The following FRMPD3 variants were observed in gnomAD, a reference collection of about 807,000 sequenced individuals.
FRMPD3 encodes the protein FERM and PDZ domain containing 3, also known as FERM and PDZ domain-containing protein 3.
In FRMPD3, 42 loss-of-function variants were observed where a neutral mutation model predicts 97.9. That is an observed-to-expected ratio of 0.43 (90% CI 0.34 to 0.55). FRMPD3 has a LOEUF of 0.55. Among genes scored for constraint, FRMPD3 ranks in the 20% least tolerant of loss-of-function variants. FRMPD3 has a pLI of 0.03. For missense variants in FRMPD3, 1,303 were observed against 1,457.7 expected, an observed-to-expected ratio of 0.89 and a Z score of 1.73; for synonymous variants, 577 against 581.1, an observed-to-expected ratio of 0.99 and a Z score of 0.10.
At chrX:107,480,972 G>A (rs1244162923) in intron 1 of FRMPD3, among the ~76,000 whole-genome samples, 1 of 109,885 alleles carries the variant, frequency 9.1e-6, no homozygotes, top group Non-Finnish European at 1.9e-5. Context: ...AACAGACATT[G>A]CTGAAACTAT....
At chrX:107,545,961 C>T (rs778684047) in intron 5 of FRMPD3, 120 bp downstream of exon 5, 4 of 526,020 alleles carry the variant, frequency 7.6e-6, no homozygotes, top group Non-Finnish European at 1.3e-5. Flanking sequence ...GTGGGAGCGT[C>T]CAGGTGCTGG....
chrX:107,542,579 T>C (rs1921363784), intron 4 of FRMPD3, among the ~76,000 whole-genome samples: 1 of 111,376 alleles, frequency 9.0e-6, no homozygotes, highest in African/African-American at 3.3e-5. Flanking sequence ...TGGACTCAGG[T>C]GAAAGAAGTG....
intron 1 of FRMPD3, among the ~76,000 whole-genome samples, chrX:107,500,554 G>A (rs1023986054): frequency 2.7e-5 from 3 of 111,606 alleles, no homozygotes; most frequent in Non-Finnish European, 5.6e-5. Flanking sequence ...AGCACTTTGG[G>A]AGGCCAAGGC....
At chrX:107,474,435 G>C (rs931040872) in intron 1 of FRMPD3, among the ~76,000 whole-genome samples, 2 of 111,190 alleles carry the variant, frequency 1.8e-5, no homozygotes, top group Non-Finnish European at 3.8e-5. Flanking sequence ...TCAAGAGATA[G>C]GAAAAGAGGA....
At chrX:107,504,676 C>T (rs1921987890) in intron 1 of FRMPD3, among the ~76,000 whole-genome samples, 1 of 112,107 alleles carries the variant, frequency 8.9e-6, no homozygotes, top group Non-Finnish European at 1.9e-5. Flanking sequence ...TTGTATATCT[C>T]AGCCATCTGG....
intron 1 of FRMPD3, among the ~76,000 whole-genome samples, chrX:107,517,689 A>C (rs972322055): frequency 1.9e-5 from 2 of 104,686 alleles, no homozygotes; most frequent in Middle Eastern, 4.3e-3. Context: ...TGAACCTGGG[A>C]GGTGGAGGTT....
chrX:107,554,560 C>T, intron 8 of FRMPD3, 56 bp downstream of exon 8: 1 of 1,167,729 alleles, frequency 8.6e-7, no homozygotes, highest in African/African-American at 1.8e-5. Context: ...AGCAGGCAGG[C>T]TGTTCTGCCA....
rs1474729948 is a variant in FRMPD3, at chrX:107,576,381, C to T, written c.1363C>T (p.Arg455Cys). The change falls in exon 13 of 15, where the codon CGC becomes TGC. Residue 455 changes from arginine to cysteine, a missense_variant. This residue lies in a region of FRMPD3 where 535 missense variants were observed against 618.6 expected (regional missense o/e 0.86). Coordinates refer to ENST00000683843, the MANE Select transcript of FRMPD3 (RefSeq NM_001388459.1). The part of the protein sequence containing the change: ...NFACLIAGYC[R>C]LLLDSRKMVF... ...TGCCTGCCTGATCGCGGGGTACTGC[C>T]GCCTCTTGCTGGATTCCAGGAAGAT... The T allele has an allele frequency of 7.4e-6, 9 of 1,208,999 alleles. No individual in the cohort carries two copies. The highest frequency in any genetic ancestry group is 2.3e-4 in the Middle Eastern group (1 of 4,366).
intron 13 of FRMPD3, among the ~76,000 whole-genome samples, chrX:107,585,339 T>C: frequency 9.0e-6 from 1 of 111,617 alleles, no homozygotes. Flanking sequence ...AAGGAGTTTT[T>C]GGGCTGAGAT....
intron 11 of FRMPD3, 120 bp from the exon 12 acceptor site, chrX:107,564,767 G>A: frequency 1.3e-6 from 1 of 746,040 alleles, no homozygotes; most frequent in South Asian, 2.5e-5. Context: ...CTGAGCCCCA[G>A]ATATTTTCAG....
rs748370399 is a variant in FRMPD3, at chrX:107,601,355, A to G, written c.3316A>G (p.Lys1106Glu). 1 of 1,205,363 alleles carries G rather than the reference A, an allele frequency of 8.3e-7. No homozygotes were observed. Among genetic ancestry groups the G allele is most frequent in the African/African-American group, 1.8e-5 (1 of 57,104 alleles). The change falls in exon 15 of 15, where the codon AAG becomes GAG. Residue 1106 changes from lysine to glutamate, a missense_variant. Physicochemically the swap from Lys to Glu is moderately conservative, Grantham distance 56 (BLOSUM62 1). Around this residue, in one of 3 missense-constraint regions of FRMPD3, gnomAD observed 764 missense variants for 820.2 expected, o/e 0.93. Transcript: ENST00000683843. ...KQGTISSQGE[K>E]AQLESTPKRS... ...GGGCACCATCTCCAGCCAAGGGGAG[A>G]AGGCGCAGCTGGAGAGCACACCCAA... is the stretch of plus-strand genomic sequence containing the variant.
intron 1 of FRMPD3, among the ~76,000 whole-genome samples, chrX:107,455,998 G>A (rs938504911): frequency 2.7e-5 from 3 of 111,509 alleles, no homozygotes; most frequent in African/African-American, 9.8e-5. Flanking sequence ...CTGTGTCATA[G>A]AGAAATAGGG....
At chrX:107,545,600 G>A (rs1373389561) in intron 4 of FRMPD3, 137 bp from the exon 5 acceptor site, 1 of 454,316 alleles carries the variant, frequency 2.2e-6, no homozygotes, top group Non-Finnish European at 3.8e-6. Flanking sequence ...CAACTAATAG[G>A]TAATTAATAT....
intron 5 of FRMPD3, among the ~76,000 whole-genome samples, chrX:107,547,821 C>G (rs965740693): frequency 3.6e-5 from 4 of 111,747 alleles, no homozygotes; most frequent in Non-Finnish European, 7.5e-5. Context: ...GTGATCCTTG[C>G]CAGCTCTATT....
chrX:107,575,124 G>T (rs949436990), intron 12 of FRMPD3, among the ~76,000 whole-genome samples: 8 of 112,520 alleles, frequency 7.1e-5, no homozygotes, highest in Non-Finnish European at 1.1e-4. Flanking sequence ...CTGATTTAGA[G>T]TTAGGAACAG....
At chrX:107,461,600 TC>T (rs1931472617) in intron 1 of FRMPD3, among the ~76,000 whole-genome samples, 1 of 110,660 alleles carries the variant, frequency 9.0e-6, no homozygotes, top group Non-Finnish European at 1.9e-5. Context: ...CGCCAAGTGA[TC>T]CTTCAACGCT....
chrX:107,484,849 G>A (rs1230014118), intron 1 of FRMPD3, among the ~76,000 whole-genome samples: 1 of 112,233 alleles, frequency 8.9e-6, no homozygotes, highest in African/African-American at 3.2e-5. Context: ...AATAGTCTCT[G>A]CTGCCTCTGA....
At chrX:107,548,504 G>A (rs965403291) in intron 5 of FRMPD3, among the ~76,000 whole-genome samples, 1 of 112,601 alleles carries the variant, frequency 8.9e-6, no homozygotes, top group Non-Finnish European at 1.9e-5. Flanking sequence ...CATTCATTCA[G>A]CAGCCATTTA....
At chrX:107,581,612 G>GC (rs1266649814) in intron 13 of FRMPD3, among the ~76,000 whole-genome samples, 1 of 110,711 alleles carries the variant, frequency 9.0e-6, no homozygotes, top group African/African-American at 3.3e-5. Context: ...AACATTTTTT[G>GC]CCCCTCCCAA....
Sources: allele counts gnomAD v4.1 joint callset (sites outside exome capture counted in the v4.1 genomes callset), GRCh38; gene constraint gnomAD v4.1.1; regional missense constraint gnomAD v4.1.1; transcripts MANE v1.5; gene names NCBI Gene and HGNC (gene_info 2026-07-23, HGNC 2026-07-21).